Variants in PCDHGA11 observed in about 807,000 individuals in gnomAD.
The protein encoded by PCDHGA11 is protocadherin gamma subfamily A, 11.
PCDHGA11 carries 39 observed loss-of-function variants against 60.4 expected under a neutral mutation model. The observed-to-expected ratio is 0.65, with a 90% confidence interval of 0.50 to 0.84. The LOEUF (loss-of-function observed/expected upper bound fraction) is 0.84, where lower values mean the gene tolerates loss of function less well. PCDHGA11 is among the 40% of genes least tolerant of loss of function. The pLI, the probability that PCDHGA11 is intolerant of heterozygous loss-of-function variation, is 0.00. For synonymous variants in PCDHGA11, 533 were observed against 510.3 expected (o/e 1.04, Z -0.60); for missense variants, 1,165 against 1,197.7 (o/e 0.97, Z 0.40).
At chr5:141,501,238 G>A (rs1482962385) in intron 2 of PCDHGA11, among the ~76,000 whole-genome samples, 2 of 151,018 alleles carry the variant, frequency 1.3e-5, no homozygotes, top group African/African-American at 4.9e-5. Flanking sequence ...AGTTTTTTGA[G>A]CATGATGTAG....
At position 141,487,763 on chromosome 5, in the gene PCDHGA11, G is replaced by A; in HGVS notation, c.2434-7044G>A. ...AAGAGGTAACTATGTGGTAGACGCT[G>A]TGCTTTGTAACTGTTTCGTGAATTA... On this transcript the variant is annotated intron_variant, in intron 1 of 3. Coordinates refer to ENST00000398587, the MANE Select transcript of PCDHGA11 (RefSeq NM_018914.3). This position sits in a 1 kb window ranked among gnomAD's most constrained non-coding sequence, Gnocchi z 5.0. 6.5e-7 allele frequency: 1 copy of A among 1,544,968 alleles called. No homozygotes were observed. The highest frequency in any genetic ancestry group is 1.2e-5 in the South Asian group (1 of 83,382).
chr5:141,421,895 G>C lies in PCDHGA11; in HGVS notation c.668G>C (p.Arg223Pro). ...LTALDGGDPIRKGAVPIRVVV... is the reference protein window; with the variant it reads ...LTALDGGDPIPKGAVPIRVVV... ...GCTTTAGATGGAGGCGATCCCATCC[G>C]AAAGGGCGCAGTTCCCATTCGTGTG... is the stretch of plus-strand genomic sequence containing the variant. Residue 223 changes from arginine to proline, a missense_variant, in exon 1 of 4, where the codon CGA becomes CCA. By Grantham distance (103) the Arg-to-Pro change is moderately radical (BLOSUM62 -2). Coordinates refer to ENST00000398587, the MANE Select transcript of PCDHGA11 (RefSeq NM_018914.3). 6.2e-7 allele frequency: 1 copy of C among 1,613,730 alleles called. No individual in the cohort carries two copies. Among genetic ancestry groups the C allele is most frequent in the Non-Finnish European group, 8.5e-7 (1 of 1,179,890 alleles).
chr5:141,499,104 C>A (rs2099789508), intron 2 of PCDHGA11, among the ~76,000 whole-genome samples: 1 of 152,120 alleles, frequency 6.6e-6, no homozygotes, highest in African/African-American at 2.4e-5. Flanking sequence ...CTTCTCCTCC[C>A]CACCACTATC....
intron 1 of PCDHGA11, chr5:141,440,587 A>G (rs566819394): frequency 1.3e-5 from 2 of 152,392 alleles, no homozygotes; most frequent in East Asian, 3.9e-4. Flanking sequence ...CCCAGCTGGA[A>G]CAAGATTTGC....
chr5:141,457,701 G>A (rs1341216514), intron 1 of PCDHGA11, among the ~76,000 whole-genome samples: 1 of 152,222 alleles, frequency 6.6e-6, no homozygotes, highest in Admixed American at 6.5e-5. Context: ...TGGCTTTGAT[G>A]AAACACTGTT....
chr5:141,421,420 G>A lies in PCDHGA11; in HGVS notation c.193G>A (p.Val65Ile). The change falls in exon 1 of 4, where the codon GTC becomes ATC. Residue 65 changes from valine (V) to isoleucine (I), a missense_variant. Physicochemically the swap from Val to Ile is conservative, Grantham distance 29. Coordinates refer to ENST00000398587, the MANE Select transcript of PCDHGA11 (RefSeq NM_018914.3). Reference protein sequence around the residue: ...LEPRELAKRGVRIVSRGKTQL... With the variant: ...LEPRELAKRGIRIVSRGKTQL... The stretch of plus-strand genomic sequence containing the variant: ...GCCCCGGGAGCTGGCGAAGCGCGGA[G>A]TCCGCATCGTCTCCAGAGGGAAGAC... 1 of 1,614,084 alleles carries A rather than the reference G, an allele frequency of 6.2e-7. No individual in the cohort carries two copies. Among genetic ancestry groups the A allele is most frequent in the Admixed American group, 1.7e-5 (1 of 60,038 alleles).
chr5:141,510,959 G>A lies in PCDHGA11; in HGVS notation c.2594G>A (p.Gly865Glu). 6.2e-7 allele frequency: 1 copy of A among 1,614,110 alleles called. No individual in the cohort carries two copies. Among genetic ancestry groups the A allele is most frequent in the Non-Finnish European group, 8.5e-7 (1 of 1,180,012 alleles). Residue 865 changes from glycine to glutamate, a missense_variant, in exon 4 of 4, where the codon GGG becomes GAG. Coordinates refer to ENST00000398587, the MANE Select transcript of PCDHGA11 (RefSeq NM_018914.3). ...TCTGTCTCTGCAGAAGCTGCTGATG[G>A]GAGCTCCACCCTGGGAGGGGGTGCC... ...ILASASEAADGSSTLGGGAGT... is the reference protein window; with the variant it reads ...ILASASEAADESSTLGGGAGT...
chr5:141,476,357 C>G lies in PCDHGA11; in HGVS notation c.2434-18450C>G. On this transcript the variant is annotated intron_variant, in intron 1 of 3. Transcript: ENST00000398587. The surrounding 1 kb of genome is among the most constrained non-coding windows in gnomAD (Gnocchi z 7.6). ...TAGCCGAAGATTCTTTGAGGTGAAC[C>G]GGGAGACCGGAGAGATGTTTGTGAA... The G allele has an allele frequency of 6.2e-7, 1 of 1,614,052 alleles. No individual in the cohort carries two copies. Among genetic ancestry groups the G allele is most frequent in the South Asian group, 1.1e-5 (1 of 91,078 alleles).
chr5:141,452,884 A>C (rs746547069), intron 1 of PCDHGA11, among the ~76,000 whole-genome samples: 1 of 152,204 alleles, frequency 6.6e-6, no homozygotes, highest in Non-Finnish European at 1.5e-5. Flanking sequence ...GTAATAATTT[A>C]TTCCACTTTT....
chr5:141,428,233 C>A, intron 1 of PCDHGA11: 1 of 1,049,106 alleles, frequency 9.5e-7, no homozygotes, highest in Non-Finnish European at 1.4e-6. Context: ...AGACAGCCTG[C>A]AGGAGGCACT....
chr5:141,487,921 A>G lies in PCDHGA11; in HGVS notation c.2434-6886A>G, dbSNP rs17097340. On this transcript the variant is annotated intron_variant, in intron 1 of 3. Coordinates refer to ENST00000398587, the MANE Select transcript of PCDHGA11 (RefSeq NM_018914.3). This position sits in a 1 kb window ranked among gnomAD's most constrained non-coding sequence, Gnocchi z 5.0. ...GGAATGTGGGAGCACAGGAGGCTAC[A>G]GTGCACAGGGTACAGTGCACCAGGC... 0.15 allele frequency: 93,556 copies of G among 639,124 alleles called. 7,160 individuals carry two copies. The highest frequency in any genetic ancestry group is 0.21 in the African/African-American group (11,270 of 54,532). 39.6% of individuals were successfully genotyped at this position (639,124 alleles called of 1,614,324 possible).
rs763303627 is a variant in PCDHGA11 at position 141,489,719 on chromosome 5, C to T, written c.2434-5088C>T. The T allele has an allele frequency of 1.4e-5, 22 of 1,613,946 alleles. No homozygotes were observed. The highest frequency in any genetic ancestry group is 9.3e-5 in the African/African-American group (7 of 74,924). On this transcript the variant is annotated intron_variant, in intron 1 of 3. Coordinates refer to ENST00000398587, the MANE Select transcript of PCDHGA11 (RefSeq NM_018914.3). The surrounding 1 kb of genome is among the most constrained non-coding windows in gnomAD (Gnocchi z 4.5). ...TTCCCACTGGACAGTGCCCAGGATCCGGATGTGGGCACCAATACTGTGAGC... is the reference window on the plus strand; with the variant it reads ...TTCCCACTGGACAGTGCCCAGGATCTGGATGTGGGCACCAATACTGTGAGC...
chr5:141,462,262 A>G (rs2099035971), intron 1 of PCDHGA11, among the ~76,000 whole-genome samples: 1 of 152,192 alleles, frequency 6.6e-6, no homozygotes, highest in African/African-American at 2.4e-5. Flanking sequence ...GACCAGCCTA[A>G]AGTGTATTGT....
intron 1 of PCDHGA11, among the ~76,000 whole-genome samples, chr5:141,472,792 C>A (rs2099297177): frequency 6.6e-6 from 1 of 151,698 alleles, no homozygotes; most frequent in African/African-American, 2.4e-5. Context: ...TCAAGATCAG[C>A]CTGACCAACA....
At chr5:141,483,329 A>C (rs1463046335) in intron 1 of PCDHGA11, among the ~76,000 whole-genome samples, 3 of 152,182 alleles carry the variant, frequency 2.0e-5, no homozygotes, top group Non-Finnish European at 2.9e-5. Flanking sequence ...GGAGGCAAAG[A>C]GATCTTATCT....
Position 141,489,341 on chromosome 5 carries a change from CAGT to C in PCDHGA11, c.2434-5465_2434-5463del. The stretch of plus-strand genomic sequence containing the variant: ...TGGGTGTCTGGGCAGCTTCGTTACT[CAGT>C]GGTGGAGGAGTCTGAGCCGGGGACG... On this transcript the variant is annotated intron_variant, in intron 1 of 3. Coordinates refer to ENST00000398587, the MANE Select transcript of PCDHGA11 (RefSeq NM_018914.3). This position sits in a 1 kb window ranked among gnomAD's most constrained non-coding sequence, Gnocchi z 4.5. The C allele has an allele frequency of 6.2e-7, 1 of 1,609,088 alleles. No homozygotes were observed. Among genetic ancestry groups the C allele is most frequent in the Non-Finnish European group, 8.5e-7 (1 of 1,176,770 alleles).
intron 2 of PCDHGA11, among the ~76,000 whole-genome samples, chr5:141,497,219 A>G (rs974609491): frequency 6.7e-6 from 1 of 149,602 alleles, no homozygotes; most frequent in South Asian, 2.1e-4. Context: ...TGGGGGGGGG[A>G]AGATCAGAGA....
intron 1 of PCDHGA11, among the ~76,000 whole-genome samples, chr5:141,465,094 G>GTT (rs138941665): frequency 3.4e-5 from 5 of 148,194 alleles, no homozygotes; most frequent in Non-Finnish European, 6.0e-5. Flanking sequence ...TTTTCTAGTA[G>GTT]TTTTTTTTTT....
intron 1 of PCDHGA11, among the ~76,000 whole-genome samples, chr5:141,454,252 A>T (rs1288181537): frequency 6.6e-6 from 1 of 152,214 alleles, no homozygotes; most frequent in Non-Finnish European, 1.5e-5. Context: ...AAGATGTCCC[A>T]GAGAAAGTAA....
Sources: gnomAD v4.1 joint callset for allele counts (sites outside exome capture counted in the v4.1 genomes callset) on GRCh38, gnomAD v4.1.1 for gene constraint, Gnocchi (gnomAD v3.1) non-coding constraint, MANE v1.5 for transcripts, NCBI Gene and HGNC (gene_info 2026-07-23, HGNC 2026-07-21) for gene names.